Variants in PHACTR1 observed in about 807,000 individuals in gnomAD.
PHACTR1 encodes RPEL repeat containing 1.
PHACTR1 carries 16 observed loss-of-function variants against 69.2 expected under a neutral mutation model. The observed-to-expected ratio is 0.23, with a 90% CI of 0.16 to 0.35. PHACTR1 has a LOEUF of 0.35. PHACTR1 is among the 10% of genes least tolerant of loss of function. PHACTR1 has a pLI of 1.00. For synonymous variants in PHACTR1, 312 were observed against 284.5 expected (o/e 1.10, Z -0.97); for missense variants, 510 against 734.7 (o/e 0.69, Z 3.54).
At chr6:13,086,463 T>C (rs1812322977) in intron 5 of PHACTR1, among the ~76,000 whole-genome samples, 1 of 152,086 alleles carries the variant, frequency 6.6e-6, no homozygotes, top group African/African-American at 2.4e-5. Context: ...TTTGTTGCCC[T>C]AAAAAATTCC....
rs573997733 is a variant in PHACTR1 at position 12,878,454 on chromosome 6, C to G, written c.250+128664C>G. Among the ~76,000 whole-genome samples, 10 of 152,302 alleles carry G rather than the reference C, an allele frequency of 6.6e-5. No homozygotes were observed. In the East Asian group the frequency reaches 1.9e-3, roughly 29 times the overall value. ...ATGTCAACATTGAAATTGAGTATTT[C>G]TTAGGTCACAGAACCAAGTGACTGT... On this transcript the variant is annotated intron_variant, in intron 4 of 14. Transcript: ENST00000332995.
At chr6:13,066,955 G>A (rs1363919181) in intron 5 of PHACTR1, among the ~76,000 whole-genome samples, 1 of 152,158 alleles carries the variant, frequency 6.6e-6, no homozygotes, top group East Asian at 1.9e-4. Context: ...CAGATTCATT[G>A]TTGGGTGGAC....
At chr6:13,193,357 G>GTATATGTATATATATATATATATATA (rs1554152202) in intron 7 of PHACTR1, among the ~76,000 whole-genome samples, 14 of 68,196 alleles carry the variant, frequency 2.1e-4, no homozygotes, top group Admixed American at 3.8e-4. Flanking sequence ...AGCTCTCTGT[G>GTATATGTATATATATATATATATATA]TATATATATA....
intron 4 of PHACTR1, among the ~76,000 whole-genome samples, chr6:13,032,991 A>T (rs1802694724): frequency 6.6e-6 from 1 of 152,158 alleles, no homozygotes; most frequent in Non-Finnish European, 1.5e-5. Context: ...TTGTAAAATT[A>T]AAAAAAGTTC....
Position 13,182,665 on chromosome 6 carries a change from T to C in PHACTR1, c.643T>C (p.Ser215Pro). The C allele has an allele frequency of 6.4e-7, 1 of 1,569,548 alleles. No homozygotes were observed. The highest frequency in any genetic ancestry group is 8.6e-7 in the Non-Finnish European group (1 of 1,159,534). The stretch of plus-strand genomic sequence containing the variant: ...CTGCTCATATGAGGTGCTCCAACCG[T>C]CAGACATCATGGATGGGCCAGGTAA... ...DPCSYEVLQP[S>P]DIMDGPDPGA... Residue 215 changes from serine to proline, a missense_variant, in exon 7 of 15, where the codon TCA becomes CCA. By Grantham distance (74) the Ser-to-Pro change is moderately conservative. Transcript: ENST00000332995.
At chr6:13,054,937 C>T (rs1806545966) in intron 5 of PHACTR1, among the ~76,000 whole-genome samples, 1 of 152,224 alleles carries the variant, frequency 6.6e-6, no homozygotes, top group African/African-American at 2.4e-5. Flanking sequence ...ATCATCACCT[C>T]TTCCATTTCT....
chr6:12,951,208 G>A (rs1791252131), intron 4 of PHACTR1, among the ~76,000 whole-genome samples: 1 of 152,178 alleles, frequency 6.6e-6, no homozygotes, highest in Admixed American at 6.5e-5. Context: ...GTCAGGCCCT[G>A]CCTTCATTCT....
intron 4 of PHACTR1, among the ~76,000 whole-genome samples, chr6:13,040,485 C>T (rs1330629936): frequency 6.6e-6 from 1 of 152,190 alleles, no homozygotes; most frequent in Non-Finnish European, 1.5e-5. Context: ...ACATATTTGA[C>T]AGATGATAAG....
At chr6:13,046,050 A>G (rs1166950941) in intron 4 of PHACTR1, among the ~76,000 whole-genome samples, 2 of 152,178 alleles carry the variant, frequency 1.3e-5, no homozygotes, top group African/African-American at 4.8e-5. Context: ...CTTGCAAGCA[A>G]TAAGATTGAT....
In PHACTR1 at chr6:12,736,347, G is replaced by A. The variant is rs757907828; in HGVS notation, c.104-13297G>A. ...CTGGGTTTAATTGTGAGGTGTAAGA[G>A]TTCTTATATTTCTAACTCATGTTAG... On this transcript the variant is annotated intron_variant, in intron 3 of 14. Coordinates refer to ENST00000332995, the MANE Select transcript of PHACTR1 (RefSeq NM_030948.6). Among the ~76,000 whole-genome samples the A allele has an allele frequency of 5.1e-4, 77 of 152,216 alleles. 1 individual carries two copies. The highest frequency in any genetic ancestry group is 6.8e-3 in the Middle Eastern group (2 of 294).
At position 13,275,554 on chromosome 6, in the gene PHACTR1, G is replaced by A. The variant is rs1778711190; in HGVS notation, c.1447+2639G>A. The A allele has an allele frequency of 6.6e-6, 1 of 152,190 alleles. No individual in the cohort carries two copies. Among genetic ancestry groups the A allele is most frequent in the Non-Finnish European group, 1.5e-5 (1 of 68,084 alleles). The allele number at this position is 152,190 out of a possible 1,614,324, so 9.4% of individuals were successfully genotyped here. On this transcript the variant is annotated intron_variant, in intron 11 of 14. Coordinates refer to ENST00000332995, the MANE Select transcript of PHACTR1 (RefSeq NM_030948.6). This position sits in a 1 kb window ranked among gnomAD's most constrained non-coding sequence, Gnocchi z 4.0. Reference sequence around the variant, plus strand: ...CTTCACGGCTCTGAAGGGACCTGTAGGATCAGAAGTCTGAGGCTAGTAATG... The same window carrying A: ...CTTCACGGCTCTGAAGGGACCTGTAAGATCAGAAGTCTGAGGCTAGTAATG...
chr6:13,031,178 T>C (rs6940172), intron 4 of PHACTR1, among the ~76,000 whole-genome samples: 4,830 of 152,344 alleles, frequency 0.032, 249 homozygotes, highest in African/African-American at 0.11. Context: ...TTGGAATATA[T>C]GCCTGATTTC....
intron 6 of PHACTR1, among the ~76,000 whole-genome samples, chr6:13,178,652 C>T (rs1255275529): frequency 6.6e-6 from 1 of 152,214 alleles, no homozygotes; most frequent in Non-Finnish European, 1.5e-5. Flanking sequence ...TTTCTTCCTG[C>T]TGTTTGCATT....
chr6:13,192,995 A>T (rs1763807510), intron 7 of PHACTR1, among the ~76,000 whole-genome samples: 1 of 152,186 alleles, frequency 6.6e-6, no homozygotes. Flanking sequence ...TGAAGGAAAC[A>T]TGATAACCTA....
intron 6 of PHACTR1, among the ~76,000 whole-genome samples, chr6:13,165,613 G>A (rs1398471840): frequency 9.9e-5 from 15 of 152,270 alleles, no homozygotes; most frequent in Non-Finnish European, 7.4e-5. Context: ...TGAAGCAGCA[G>A]GATAAGGAAA....
At chr6:13,216,524 A>G (rs1363059387) in intron 8 of PHACTR1, among the ~76,000 whole-genome samples, 1 of 152,204 alleles carries the variant, frequency 6.6e-6, no homozygotes. Flanking sequence ...TGACATAACA[A>G]ATGGCCTACA....
At chr6:13,206,830 T>C (rs1396661192) in intron 8 of PHACTR1, among the ~76,000 whole-genome samples, 3 of 152,088 alleles carry the variant, frequency 2.0e-5, no homozygotes, top group Non-Finnish European at 4.4e-5. Context: ...CATATACATC[T>C]TAGGGATGTG....
chr6:12,857,633 T>C (rs557949361), intron 4 of PHACTR1, among the ~76,000 whole-genome samples: 1 of 151,362 alleles, frequency 6.6e-6, no homozygotes, highest in Admixed American at 6.6e-5. Context: ...CAGGCAGAAA[T>C]AGCACTCATT....
At chr6:12,831,142 T>A (rs143403800) in intron 4 of PHACTR1, among the ~76,000 whole-genome samples, 1 of 152,340 alleles carries the variant, frequency 6.6e-6, no homozygotes, top group East Asian at 1.9e-4. Context: ...TCTCTATGTT[T>A]TCTTATTAAA....
Sources: allele counts gnomAD v4.1 joint callset (sites outside exome capture counted in the v4.1 genomes callset), GRCh38; gene constraint gnomAD v4.1.1; non-coding constraint Gnocchi (gnomAD v3.1); transcripts MANE v1.5; gene names NCBI Gene and HGNC (gene_info 2026-07-23, HGNC 2026-07-21).